RAP1GAP: variants seen among roughly 807,000 people sequenced by gnomAD.
RAP1GAP encodes rap1 GTPase-activating protein 1.
A neutral mutation model predicts 87.2 loss-of-function variants in RAP1GAP; 35 were observed. The ratio of observed to expected loss-of-function variants is 0.40; its 90% CI spans 0.31 to 0.53. The LOEUF (loss-of-function observed/expected upper bound fraction) is 0.53. Among genes scored for constraint, RAP1GAP ranks in the 20% least tolerant of loss-of-function variants. RAP1GAP has a pLI of 0.48. For synonymous variants in RAP1GAP, 375 were observed against 363.9 expected (o/e 1.03, Z -0.35); for missense variants, 734 against 898.9 (o/e 0.82, Z 2.35).
chr1:21,645,325 C>T (rs1346051546), intron 2 of RAP1GAP, among the ~76,000 whole-genome samples: 1 of 151,874 alleles, frequency 6.6e-6, no homozygotes, highest in Non-Finnish European at 1.5e-5. Flanking sequence ...TTAGAAGTGG[C>T]TGCCAGGGGC....
chr1:21,602,709 G>T, intron 19 of RAP1GAP, 95 bp downstream of exon 19: 1 of 1,096,892 alleles, frequency 9.1e-7, no homozygotes, highest in Non-Finnish European at 1.3e-6. Context: ...GAGGCAGAGG[G>T]GCGGGCACTC....
intron 2 of RAP1GAP, among the ~76,000 whole-genome samples, chr1:21,632,204 AGG>A (rs2093888532): frequency 6.6e-6 from 1 of 152,020 alleles, no homozygotes; most frequent in Admixed American, 6.6e-5. Context: ...GGGTGAAGCA[AGG>A]GTGTGGGGGA....
intron 21 of RAP1GAP, among the ~76,000 whole-genome samples, chr1:21,599,163 G>T (rs916284218): frequency 6.6e-6 from 1 of 152,234 alleles, no homozygotes; most frequent in South Asian, 2.1e-4. Context: ...GATGGCACAT[G>T]CGCAAAGGGC....
chr1:21,641,560 C>T (rs1271189006), intron 2 of RAP1GAP, among the ~76,000 whole-genome samples: 5 of 152,276 alleles, frequency 3.3e-5, no homozygotes, highest in East Asian at 1.9e-4. Flanking sequence ...AAGCAAGGAC[C>T]GTGTCTGTCA....
Position 21,610,224 on chromosome 1 carries a change from C to T in RAP1GAP, c.895G>A (p.Asp299Asn), listed in dbSNP as rs2077368545. The T allele has an allele frequency of 4.3e-6, 7 of 1,614,024 alleles. No individual in the cohort carries two copies. Among genetic ancestry groups the T allele is most frequent in the Non-Finnish European group, 5.9e-6 (7 of 1,180,036 alleles). Residue 299 changes from aspartate (D) to asparagine (N), a missense_variant, in exon 14 of 25, where the codon GAT becomes AAT. Physicochemically the swap from Asp to Asn is conservative, Grantham distance 23. Transcript: ENST00000374765. ...GNDIVAVVFQ[D>N]ENTPFVPDMI... Reference sequence around the variant, plus strand: ...TCGGGCACGAAAGGAGTGTTCTCATCCTGGAAGACCACAGCCACGATGTCG... The same window carrying T: ...TCGGGCACGAAAGGAGTGTTCTCATTCTGGAAGACCACAGCCACGATGTCG...
chr1:21,598,494 C>T lies in RAP1GAP; in HGVS notation c.1785G>A (p.Val595=). The T allele has an allele frequency of 6.2e-7, 1 of 1,612,700 alleles. No individual in the cohort carries two copies. Among genetic ancestry groups the T allele is most frequent in the Non-Finnish European group, 8.5e-7 (1 of 1,178,970 alleles). ...VDGEDTGLES[V]SSSGTPHKRD... ...GCTTGTGGGGTGTTCCTGAGGATGA[C>T]ACGCTCTCCTGGGGAGGGGGTGGAA... is the stretch of plus-strand genomic sequence containing the variant. Residue 595 remains valine, a synonymous_variant, in exon 22 of 25, where the codon GTG becomes GTA. Transcript: ENST00000374765.
chr1:21,626,262 G>A, intron 3 of RAP1GAP, 42 bp downstream of exon 3: 1 of 1,497,986 alleles, frequency 6.7e-7, no homozygotes, highest in Non-Finnish European at 9.3e-7. Flanking sequence ...GTCGGAGGTA[G>A]GGGGCAGACC....
Position 21,603,871 on chromosome 1 carries a change from G to T in RAP1GAP, c.1429-958C>A, listed in dbSNP as rs780909127. 3 of 1,587,176 alleles carry T rather than the reference G, an allele frequency of 1.9e-6. No individual in the cohort carries two copies. In the South Asian group the frequency reaches 3.4e-5, roughly 18 times the overall value. ...TTCCTATGCCTATGGCACTGCCCCGGCGTCCGAATCTACTCGCACTTTTCC... is the reference window on the plus strand; with the variant it reads ...TTCCTATGCCTATGGCACTGCCCCGTCGTCCGAATCTACTCGCACTTTTCC... On this transcript the variant is annotated intron_variant, in intron 18 of 24. Coordinates refer to ENST00000374765, the MANE Select transcript of RAP1GAP (RefSeq NM_002885.4). This position sits in a 1 kb window ranked among gnomAD's most constrained non-coding sequence, Gnocchi z 6.0.
At position 21,599,469 on chromosome 1, in the gene RAP1GAP, C is replaced by T. The variant is rs780099230; in HGVS notation, c.1776+25G>A. On this transcript the variant is annotated intron_variant, in intron 21 of 24. Coordinates refer to ENST00000374765, the MANE Select transcript of RAP1GAP (RefSeq NM_002885.4). ...AGCCCCCTTCCAAGCTCCTGTGGGG[C>T]CCCTGACCCCCCTGAGCCTCTCACC... 21 of 1,597,466 alleles carry T rather than the reference C, an allele frequency of 1.3e-5. 1 individual carries two copies. The highest frequency in any genetic ancestry group is 3.3e-4 in the Middle Eastern group (2 of 6,012).
intron 2 of RAP1GAP, among the ~76,000 whole-genome samples, chr1:21,633,952 C>T (rs2094258182): frequency 2.0e-5 from 3 of 151,750 alleles, no homozygotes; most frequent in African/African-American, 7.3e-5. Flanking sequence ...TGGATGAGGG[C>T]TGGGGGGCTG....
chr1:21,604,828 TAGAG>T (rs2072753663), intron 18 of RAP1GAP, among the ~76,000 whole-genome samples: 1 of 129,166 alleles, frequency 7.7e-6, no homozygotes, highest in African/African-American at 3.0e-5. Context: ...TGGATGGAGA[TAGAG>T]GGATGGATAG....
intron 1 of RAP1GAP, chr1:21,665,281 C>T (rs1446580233): frequency 1.9e-6 from 1 of 516,924 alleles, no homozygotes; most frequent in East Asian, 5.5e-5. Context: ...GAATGGGGGT[C>T]CGAGGGAGGG....
chr1:21,657,871 T>G (rs1429319683), intron 1 of RAP1GAP, among the ~76,000 whole-genome samples: 1 of 152,110 alleles, frequency 6.6e-6, no homozygotes, highest in African/African-American at 2.4e-5. Flanking sequence ...GATACCACCC[T>G]CCCAGGAGGC....
rs373762749 is a variant in RAP1GAP at position 21,667,172 on chromosome 1, G to C, written c.-149+2082C>G. ...CTCCGTAGACAGATGGCAGCATGGA[G>C]GACAGATCTGCCCGAGGAGTCCTCA... On this transcript the variant is annotated intron_variant, in intron 1 of 24. Transcript: ENST00000374765. 1.7e-3 allele frequency among the ~76,000 whole-genome samples: 263 copies of C among 152,354 alleles called. 2 individuals carry two copies. Among genetic ancestry groups the C allele is most frequent in the African/African-American group, 5.8e-3 (240 of 41,588 alleles).
chr1:21,598,342 G>T, intron 22 of RAP1GAP, 58 bp downstream of exon 22: 1 of 1,471,782 alleles, frequency 6.8e-7, no homozygotes, highest in Non-Finnish European at 9.5e-7. Context: ...GCCCAGCCCT[G>T]TCCCCCTCCT....
At chr1:21,651,924 C>A in intron 1 of RAP1GAP, 1 of 938,220 alleles carries the variant, frequency 1.1e-6, no homozygotes, top group Non-Finnish European at 1.3e-6. Context: ...GCCCCCGCCC[C>A]AGCTCGGATA....
chr1:21,648,483 CG>C (rs1279925118), intron 2 of RAP1GAP, among the ~76,000 whole-genome samples: 1 of 152,160 alleles, frequency 6.6e-6, no homozygotes. Flanking sequence ...TTCCCCACTC[CG>C]GGCTTCATTG....
At chr1:21,618,898 C>T (rs957030175) in intron 5 of RAP1GAP, 127 bp downstream of exon 5, 1 of 1,112,460 alleles carries the variant, frequency 9.0e-7, no homozygotes, top group Non-Finnish European at 1.3e-6. Flanking sequence ...CCTACCCCCG[C>T]ACCTGGCACA....
intron 2 of RAP1GAP, among the ~76,000 whole-genome samples, chr1:21,633,212 C>G (rs561666317): frequency 6.6e-6 from 1 of 152,172 alleles, no homozygotes; most frequent in Non-Finnish European, 1.5e-5. Flanking sequence ...TTTGGCCCCC[C>G]GGAGATAGCT....
Sources: allele counts gnomAD v4.1 joint callset (sites outside exome capture counted in the v4.1 genomes callset), GRCh38; gene constraint gnomAD v4.1.1; non-coding constraint Gnocchi (gnomAD v3.1); transcripts MANE v1.5; gene names NCBI Gene and HGNC (gene_info 2026-07-23, HGNC 2026-07-21).